Variants in ARL15 observed in about 807,000 individuals in gnomAD.
ARL15 encodes ARF like GTPase 15.
In ARL15, 19 loss-of-function variants were observed where a neutral mutation model predicts 25.2. That is an observed-to-expected ratio of 0.75 (90% CI 0.53 to 1.10). The LOEUF (loss-of-function observed/expected upper bound fraction) is 1.10, where lower values mean the gene tolerates loss of function less well. Ranked by LOEUF, ARL15 falls within the 50% of genes least tolerant of loss-of-function variation. The pLI, the probability that ARL15 is intolerant of heterozygous loss-of-function variation, is 0.00. For synonymous variants in ARL15, 94 were observed against 86.8 expected (o/e 1.08, Z -0.46); for missense variants, 220 against 246.0 (o/e 0.89, Z 0.71).
At chr5:54,269,647 T>A (rs1418268516) in intron 1 of ARL15, among the ~76,000 whole-genome samples, 2 of 152,350 alleles carry the variant, frequency 1.3e-5, no homozygotes, top group Non-Finnish European at 2.9e-5. Context: ...TTAATTTTTT[T>A]ATTTTTAATT....
intron 4 of ARL15, chr5:53,887,377 G>C (rs1222609057): frequency 2.4e-5 from 17 of 699,204 alleles, no homozygotes; most frequent in Admixed American, 8.0e-5. Context: ...TTTCAGTCCT[G>C]AATTTTCTAG....
intron 1 of ARL15, among the ~76,000 whole-genome samples, chr5:54,182,161 C>G (rs1231922975): frequency 2.2e-4 from 15 of 69,370 alleles, no homozygotes; most frequent in African/African-American, 8.7e-4. Context: ...AATTAGATCC[C>G]ATTTGTCAAT....
chr5:53,966,844 A>T (rs1207182391), intron 4 of ARL15, among the ~76,000 whole-genome samples: 1 of 152,234 alleles, frequency 6.6e-6, no homozygotes, highest in Non-Finnish European at 1.5e-5. Flanking sequence ...CAAATTCCAC[A>T]TGCAGAAATC....
chr5:54,018,099 A>T (rs954885050), intron 4 of ARL15, among the ~76,000 whole-genome samples: 5 of 152,162 alleles, frequency 3.3e-5, no homozygotes, highest in Admixed American at 1.3e-4. Flanking sequence ...CATAGTTTTT[A>T]AAAAATATCT....
At chr5:54,234,148 A>G (rs897580525) in intron 1 of ARL15, among the ~76,000 whole-genome samples, 8 of 152,026 alleles carry the variant, frequency 5.3e-5, no homozygotes, top group African/African-American at 1.9e-4. Context: ...GGCGCGTGCC[A>G]CCAAGCCCGG....
intron 1 of ARL15, among the ~76,000 whole-genome samples, chr5:54,174,767 G>A (rs1234275966): frequency 3.3e-5 from 5 of 152,210 alleles, no homozygotes; most frequent in Non-Finnish European, 7.3e-5. Context: ...GACTCAGAAT[G>A]AGAGTTTTTC....
chr5:54,188,238 G>A (rs1561259120), intron 1 of ARL15, among the ~76,000 whole-genome samples: 1 of 152,170 alleles, frequency 6.6e-6, no homozygotes, highest in Non-Finnish European at 1.5e-5. Context: ...AAAAAAACCT[G>A]AAGGCTCACA....
At chr5:54,010,004 G>A (rs1456782991) in intron 4 of ARL15, among the ~76,000 whole-genome samples, 5 of 152,112 alleles carry the variant, frequency 3.3e-5, no homozygotes, top group Non-Finnish European at 7.3e-5. Flanking sequence ...CAAAAAGACA[G>A]AAAGGAGGAG....
chr5:54,117,370 TACACACACAC>T (rs71600803), intron 3 of ARL15, among the ~76,000 whole-genome samples: 173 of 143,880 alleles, frequency 1.2e-3, no homozygotes, highest in African/African-American at 4.1e-3. Context: ...GTGAGACACA[TACACACACAC>T]ACACACACAC....
chr5:54,268,839 A>C (rs1757699964), intron 1 of ARL15, among the ~76,000 whole-genome samples: 1 of 152,240 alleles, frequency 6.6e-6, no homozygotes, highest in South Asian at 2.1e-4. Flanking sequence ...CAACGATGAT[A>C]TATTGGATTA....
chr5:54,082,439 A>G (rs1751831752), intron 4 of ARL15, among the ~76,000 whole-genome samples: 1 of 152,200 alleles, frequency 6.6e-6, no homozygotes, highest in African/African-American at 2.4e-5. Context: ...TACCCTTTCA[A>G]AAACTACATA....
chr5:54,253,009 G>A (rs538887338), intron 1 of ARL15, among the ~76,000 whole-genome samples: 16 of 152,108 alleles, frequency 1.1e-4, no homozygotes, highest in African/African-American at 3.9e-4. Flanking sequence ...ACAGGCATAA[G>A]CCATCATGCC....
chr5:54,136,572 GA>G (rs200065867), intron 3 of ARL15, among the ~76,000 whole-genome samples: 8 of 148,994 alleles, frequency 5.4e-5, no homozygotes, highest in Middle Eastern at 3.4e-3. Context: ...GATTGTGAGG[GA>G]AAAAAAAACA....
chr5:54,003,968 T>C (rs916657189), intron 4 of ARL15, among the ~76,000 whole-genome samples: 2 of 152,164 alleles, frequency 1.3e-5, no homozygotes, highest in African/African-American at 4.8e-5. Context: ...GGCACACAAG[T>C]GTGAATAAAA....
intron 4 of ARL15, among the ~76,000 whole-genome samples, chr5:53,978,647 G>GAA (rs1748023747): frequency 8.2e-6 from 1 of 121,994 alleles, no homozygotes; most frequent in Non-Finnish European, 1.8e-5. Context: ...GAAAAGAAAA[G>GAA]AAAGAAATAA....
At chr5:54,116,590 C>T (rs1752906924) in intron 3 of ARL15, among the ~76,000 whole-genome samples, 1 of 152,172 alleles carries the variant, frequency 6.6e-6, no homozygotes, top group Non-Finnish European at 1.5e-5. Flanking sequence ...AACTAATGCC[C>T]ACAGAATGCT....
intron 4 of ARL15, among the ~76,000 whole-genome samples, chr5:54,029,695 T>TA (rs1157040274): frequency 1.3e-5 from 2 of 151,834 alleles, no homozygotes; most frequent in African/African-American, 2.4e-5. Context: ...CCTGTCTCTA[T>TA]AAAAAATAAA....
chr5:54,228,940 G>A (rs1396407714), intron 1 of ARL15, among the ~76,000 whole-genome samples: 1 of 152,178 alleles, frequency 6.6e-6, no homozygotes, highest in Non-Finnish European at 1.5e-5. Context: ...CCTGTCGGGA[G>A]AAGCATGTTA....
chr5:54,118,399 T>A (rs1752971613), intron 3 of ARL15, among the ~76,000 whole-genome samples: 2 of 152,160 alleles, frequency 1.3e-5, no homozygotes, highest in Admixed American at 6.6e-5. Flanking sequence ...TTTCTCACTA[T>A]TTTTTTGTTT....
Sources: gnomAD v4.1 joint callset for allele counts (sites outside exome capture counted in the v4.1 genomes callset) on GRCh38, gnomAD v4.1.1 for gene constraint, MANE v1.5 for transcripts, NCBI Gene and HGNC (gene_info 2026-07-23, HGNC 2026-07-21) for gene names.